The following NAV2 variants were observed in gnomAD, a reference collection of about 807,000 sequenced individuals.
The protein encoded by NAV2 is neuron navigator 2.
In NAV2, 54 loss-of-function variants were observed where a neutral mutation model predicts 223.2. That is an observed-to-expected ratio of 0.24 (90% CI 0.19 to 0.30). The LOEUF (loss-of-function observed/expected upper bound fraction) is 0.30, where lower values mean the gene tolerates loss of function less well. Ranked by LOEUF, NAV2 falls within the 10% of genes least tolerant of loss-of-function variation. The pLI, the probability that NAV2 is intolerant of heterozygous loss-of-function variation, is 1.00. For synonymous variants in NAV2, 1,279 were observed against 1,239.3 expected (o/e 1.03, Z -0.67); for missense variants, 2,806 against 3,147.5 (o/e 0.89, Z 2.60).
intron 1 of NAV2, among the ~76,000 whole-genome samples, chr11:19,411,421 C>A (rs755481506): frequency 7.2e-5 from 11 of 152,206 alleles, no homozygotes; most frequent in Non-Finnish European, 1.6e-4. Context: ...TATTACAAGA[C>A]CCTGGAGACA....
chr11:19,999,546 T>C (rs552247050), intron 11 of NAV2, among the ~76,000 whole-genome samples: 3 of 152,332 alleles, frequency 2.0e-5, no homozygotes, highest in Admixed American at 6.5e-5. Flanking sequence ...TGTTTTTGTA[T>C]TTTTAGTAGA....
rs756199332 is a variant in NAV2, at chr11:20,103,347, A to T, written c.6510A>T (p.Leu2170=). ...CCCTCGTCATCATCCTGGACAACCT[A>T]CACCACGTGAGCTCTCTGGGAGAGA... ...DMPLVIILDN[L]HHVSSLGEIF... is the part of the protein sequence containing the mutation. The change falls in exon 33 of 38, where the codon CTA becomes CTT. Residue 2170 remains leucine (L), a synonymous_variant. Transcript: ENST00000349880. The T allele has an allele frequency of 1.9e-6, 3 of 1,613,992 alleles. No individual in the cohort carries two copies. The African/African-American group carries it at 4.0e-5, about 22-fold the overall frequency.
At chr11:20,114,440 G>T (rs1158045957) in intron 36 of NAV2, 152 bp from the exon 37 acceptor site, 3 of 693,358 alleles carry the variant, frequency 4.3e-6, no homozygotes, top group Non-Finnish European at 4.9e-6. Flanking sequence ...TCTGCATCTT[G>T]GATGACTTCC....
At chr11:19,735,954 A>T (rs925852748) in intron 1 of NAV2, among the ~76,000 whole-genome samples, 4 of 152,174 alleles carry the variant, frequency 2.6e-5, no homozygotes, top group African/African-American at 9.7e-5. Flanking sequence ...TCTGCCCAGT[A>T]TGGGGGCAAC....
At chr11:19,476,787 G>A (rs1806772262) in intron 1 of NAV2, among the ~76,000 whole-genome samples, 1 of 152,144 alleles carries the variant, frequency 6.6e-6, no homozygotes, top group African/African-American at 2.4e-5. Flanking sequence ...TTAGACTTGG[G>A]GAATCAAAAG....
At chr11:19,787,270 CTTTTTTTTTTTT>C (rs757183666) in intron 1 of NAV2, among the ~76,000 whole-genome samples, 1,132 of 55,004 alleles carry the variant, frequency 0.021, 71 homozygotes, top group African/African-American at 0.064. Flanking sequence ...TTTATTGGAT[CTTTTTTTTTTTT>C]TTTTTTTTTT....
intron 9 of NAV2, among the ~76,000 whole-genome samples, chr11:19,947,861 G>C (rs752305841): frequency 2.6e-4 from 40 of 152,168 alleles, no homozygotes; most frequent in Non-Finnish European, 4.7e-4. Flanking sequence ...GAACTTTAGA[G>C]GGTTAGAAAA....
chr11:19,501,736 G>C (rs1029719821), intron 1 of NAV2, among the ~76,000 whole-genome samples: 3 of 151,632 alleles, frequency 2.0e-5, no homozygotes, highest in African/African-American at 7.3e-5. Flanking sequence ...TTTATTTTAT[G>C]GTAGGGTAGC....
chr11:20,018,681 C>T (rs752237156), intron 11 of NAV2, among the ~76,000 whole-genome samples: 11 of 152,152 alleles, frequency 7.2e-5, no homozygotes, highest in Non-Finnish European at 1.0e-4. Flanking sequence ...GAGGATATGG[C>T]TCAGAACAAA....
rs1397557305 is a variant in NAV2, at chr11:19,712,905, G to T, written c.-791G>T. ...GGAAGCGCGGCGGCCGCTCCCGAGC[G>T]CAGCCCTGCCCGGCCCGCCAGCCGC... On this transcript the variant is annotated 5_prime_UTR_variant, in exon 1 of 38. Coordinates refer to ENST00000349880, the MANE Select transcript of NAV2 (RefSeq NM_145117.5). Among the ~76,000 whole-genome samples, 1 of 151,244 alleles carries T rather than the reference G, an allele frequency of 6.6e-6. No homozygotes were observed. The highest frequency in any genetic ancestry group is 1.5e-5 in the Non-Finnish European group (1 of 67,776).
At chr11:20,014,377 C>T (rs942025634) in intron 11 of NAV2, among the ~76,000 whole-genome samples, 1 of 152,238 alleles carries the variant, frequency 6.6e-6, no homozygotes, top group Admixed American at 6.5e-5. Context: ...TTTGAACTCT[C>T]TCTGTGCCCC....
chr11:19,364,685 A>G (rs901793134), intron 1 of NAV2, among the ~76,000 whole-genome samples: 2 of 152,224 alleles, frequency 1.3e-5, no homozygotes, highest in African/African-American at 2.4e-5. Context: ...AGAGGGATAC[A>G]GTGACCTGGA....
At chr11:20,016,020 AGC>A (rs2053976289) in intron 11 of NAV2, among the ~76,000 whole-genome samples, 1 of 152,198 alleles carries the variant, frequency 6.6e-6, no homozygotes, top group Admixed American at 6.5e-5. Context: ...AAATTCTCTG[AGC>A]GCCGGTTTCT....
chr11:19,625,203 T>C (rs1285917708), intron 1 of NAV2, among the ~76,000 whole-genome samples: 1 of 152,214 alleles, frequency 6.6e-6, no homozygotes, highest in Admixed American at 6.5e-5. Context: ...TCAACAAATC[T>C]CTCCCTATCT....
intron 1 of NAV2, among the ~76,000 whole-genome samples, chr11:19,689,955 T>C (rs1388957071): frequency 6.6e-6 from 1 of 152,174 alleles, no homozygotes; most frequent in African/African-American, 2.4e-5. Flanking sequence ...ACTTGATTCA[T>C]TTACATCTAT....
At chr11:19,362,181 A>T (rs1039645186) in intron 1 of NAV2, among the ~76,000 whole-genome samples, 3 of 152,148 alleles carry the variant, frequency 2.0e-5, no homozygotes, top group Non-Finnish European at 4.4e-5. Flanking sequence ...GAAAGTAAAG[A>T]CTCAGAGAAG....
At chr11:20,086,298 G>T (rs2060442548) in intron 26 of NAV2, among the ~76,000 whole-genome samples, 1 of 152,186 alleles carries the variant, frequency 6.6e-6, no homozygotes, top group Non-Finnish European at 1.5e-5. Context: ...TGGCCCACTT[G>T]TTCTTTGAAC....
At chr11:20,050,893 G>A (rs1415213289) in intron 16 of NAV2, among the ~76,000 whole-genome samples, 1 of 152,246 alleles carries the variant, frequency 6.6e-6, no homozygotes, top group Non-Finnish European at 1.5e-5. Context: ...AGAGTTAGGG[G>A]TGCAGGGAAG....
chr11:19,430,246 C>T (rs1392627215), intron 1 of NAV2, among the ~76,000 whole-genome samples: 1 of 152,212 alleles, frequency 6.6e-6, no homozygotes, highest in Non-Finnish European at 1.5e-5. Flanking sequence ...TTTCGCTTGG[C>T]CATCCAATCA....
Sources: gnomAD v4.1 joint callset for allele counts (sites outside exome capture counted in the v4.1 genomes callset) on GRCh38, gnomAD v4.1.1 for gene constraint, MANE v1.5 for transcripts, NCBI Gene and HGNC (gene_info 2026-07-23, HGNC 2026-07-21) for gene names.